HCN1: variants seen among roughly 807,000 people sequenced by gnomAD.
HCN1 encodes hyperpolarization activated cyclic nucleotide gated potassium channel 1, also known as potassium/sodium hyperpolarization-activated cyclic nucleotide-gated channel 1.
Under a neutral mutation model 78.9 loss-of-function variants are expected in HCN1, and 13 were observed. The ratio of observed to expected loss-of-function variants is 0.16; its 90% CI spans 0.11 to 0.26. The LOEUF (loss-of-function observed/expected upper bound fraction) is 0.26. HCN1 is among the 10% of genes least tolerant of loss of function. HCN1 has a pLI of 1.00. For missense variants in HCN1, 810 were observed against 1,154.3 expected (o/e 0.70, Z 4.32); for synonymous variants, 552 against 455.5 (o/e 1.21, Z -2.70).
At chr5:45,346,556 C>T (rs528545945) in intron 5 of HCN1, among the ~76,000 whole-genome samples, 75 of 152,224 alleles carry the variant, frequency 4.9e-4, no homozygotes, top group Middle Eastern at 3.4e-3. Context: ...TGAAGCAGGG[C>T]GAGGCACTAC....
chr5:45,498,985 A>T (rs1579933040), intron 2 of HCN1, among the ~76,000 whole-genome samples: 1 of 152,272 alleles, frequency 6.6e-6, no homozygotes, highest in East Asian at 1.9e-4. Flanking sequence ...ACTCTTCTTC[A>T]AAGTTGTCAG....
At chr5:45,578,700 T>C (rs1279826034) in intron 2 of HCN1, among the ~76,000 whole-genome samples, 1 of 151,884 alleles carries the variant, frequency 6.6e-6, no homozygotes, top group Non-Finnish European at 1.5e-5. Context: ...ATAATATTAA[T>C]ATTCCCATTT....
intron 5 of HCN1, among the ~76,000 whole-genome samples, chr5:45,325,221 G>A (rs184129664): frequency 2.0e-5 from 3 of 151,770 alleles, no homozygotes; most frequent in East Asian, 3.9e-4. Flanking sequence ...CTCATTTATG[G>A]TATTTTTTCT....
chr5:45,373,137 A>C (rs1223515885), intron 4 of HCN1, among the ~76,000 whole-genome samples: 3 of 126,280 alleles, frequency 2.4e-5, no homozygotes, highest in Non-Finnish European at 4.8e-5. Context: ...TAAAATATAT[A>C]GTATATAATA....
intron 2 of HCN1, among the ~76,000 whole-genome samples, chr5:45,486,499 C>T (rs1741766321): frequency 6.6e-6 from 1 of 152,102 alleles, no homozygotes; most frequent in East Asian, 1.9e-4. Context: ...AATATACTCT[C>T]ATGGGGTGTA....
chr5:45,432,716 G>T (rs2112078637), intron 3 of HCN1, among the ~76,000 whole-genome samples: 1 of 152,226 alleles, frequency 6.6e-6, no homozygotes, highest in South Asian at 2.1e-4. Flanking sequence ...TTTATCAAAA[G>T]CCTTTTCTGC....
intron 5 of HCN1, among the ~76,000 whole-genome samples, chr5:45,350,065 C>A (rs188563200): frequency 1.8e-4 from 28 of 152,144 alleles, no homozygotes; most frequent in Admixed American, 1.6e-3. Flanking sequence ...GGCAGACACA[C>A]AACCAAAAAA....
At chr5:45,442,740 C>T (rs187647421) in intron 3 of HCN1, among the ~76,000 whole-genome samples, 1 of 152,006 alleles carries the variant, frequency 6.6e-6, no homozygotes, top group African/African-American at 2.4e-5. Context: ...ATTCCTTGGA[C>T]AGAGTATGCT....
At chr5:45,575,164 G>C (rs1743914165) in intron 2 of HCN1, 1 of 152,062 alleles carries the variant, frequency 6.6e-6, no homozygotes, top group Non-Finnish European at 1.5e-5. Flanking sequence ...ATGCCATCTA[G>C]GAATTTAATA....
At chr5:45,350,330 C>T (rs1746864580) in intron 5 of HCN1, among the ~76,000 whole-genome samples, 1 of 152,164 alleles carries the variant, frequency 6.6e-6, no homozygotes, top group Non-Finnish European at 1.5e-5. Context: ...AACAACTCTT[C>T]ATGCTAAAAA....
chr5:45,395,665 A>G (rs377639155), intron 4 of HCN1, among the ~76,000 whole-genome samples: 1 of 152,194 alleles, frequency 6.6e-6, no homozygotes, highest in African/African-American at 2.4e-5. Flanking sequence ...CATTACTTTC[A>G]GAAACGCTCT....
At chr5:45,345,839 C>G (rs1174853387) in intron 5 of HCN1, among the ~76,000 whole-genome samples, 1 of 152,222 alleles carries the variant, frequency 6.6e-6, no homozygotes, top group Non-Finnish European at 1.5e-5. Flanking sequence ...GTCACTTCCA[C>G]AATTTCAGGT....
intron 3 of HCN1, among the ~76,000 whole-genome samples, chr5:45,407,318 C>T (rs1330141668): frequency 2.0e-5 from 3 of 151,988 alleles, no homozygotes; most frequent in South Asian, 2.1e-4. Context: ...ACCTACTCCA[C>T]TACCAGTCAT....
At chr5:45,323,740 G>A (rs992934773) in intron 5 of HCN1, among the ~76,000 whole-genome samples, 5 of 151,776 alleles carry the variant, frequency 3.3e-5, no homozygotes, top group African/African-American at 7.3e-5. Flanking sequence ...GACAGGCCCG[G>A]TGTGTGATGT....
intron 2 of HCN1, among the ~76,000 whole-genome samples, chr5:45,579,470 T>C (rs978295555): frequency 2.6e-5 from 4 of 151,970 alleles, no homozygotes; most frequent in Non-Finnish European, 5.9e-5. Context: ...CATATTTTCG[T>C]CTCCTGCAAG....
chr5:45,636,229 C>T (rs1037272998), intron 2 of HCN1, among the ~76,000 whole-genome samples: 3 of 152,054 alleles, frequency 2.0e-5, no homozygotes, highest in Non-Finnish European at 4.4e-5. Context: ...GAGATAATTA[C>T]TAGGATAATT....
At chr5:45,303,916 A>C (rs990553792) in intron 5 of HCN1, 77 bp from the exon 6 acceptor site, 1 of 1,246,830 alleles carries the variant, frequency 8.0e-7, no homozygotes, top group African/African-American at 1.5e-5. Flanking sequence ...GAAATTTAAA[A>C]TATATACAGC....
At position 45,267,012 on chromosome 5, in the gene HCN1, TTTGGGACTTATAA is replaced by T. The variant is rs558922835; in HGVS notation, c.1783+64_1783+76del. ...GCATGAGTCACCACTCCCCACTGCA[TTTGGGACTTATAA>T]TTGCAAACCTGTATTATGCCAGGAG... On this transcript the variant is annotated intron_variant, in intron 7 of 7. Transcript: ENST00000303230. 5.7e-4 allele frequency: 706 copies of T among 1,237,496 alleles called. 1 individual carries two copies. The African/African-American group carries it at 9.1e-3, about 16-fold the overall frequency. 76.7% of individuals were successfully genotyped at this position (1,237,496 alleles called of 1,614,324 possible).
chr5:45,530,131 C>T (rs1422323719), intron 2 of HCN1, among the ~76,000 whole-genome samples: 1 of 152,050 alleles, frequency 6.6e-6, no homozygotes, highest in Non-Finnish European at 1.5e-5. Context: ...AGTTTTGACT[C>T]CAGTGATTAC....
Sources: allele counts gnomAD v4.1 joint callset (sites outside exome capture counted in the v4.1 genomes callset), GRCh38; gene constraint gnomAD v4.1.1; transcripts MANE v1.5; gene names NCBI Gene and HGNC (gene_info 2026-07-23, HGNC 2026-07-21).